Variants in FRMD4B observed in about 807,000 individuals in gnomAD.
The protein encoded by FRMD4B is FERM domain-containing protein 4B.
A neutral mutation model predicts 141.5 loss-of-function variants in FRMD4B; 74 were observed. That is an observed-to-expected ratio of 0.52 (90% CI 0.43 to 0.63). The LOEUF (loss-of-function observed/expected upper bound fraction) is 0.63, where lower values mean the gene tolerates loss of function less well. FRMD4B is among the 30% of genes least tolerant of loss of function. FRMD4B has a pLI of 0.00. For missense variants in FRMD4B, 1,366 were observed against 1,253.4 expected (o/e 1.09, Z -1.36); for synonymous variants, 506 against 467.9 (o/e 1.08, Z -1.05).
chr3:69,480,000 T>A (rs9848296), intron 1 of FRMD4B, among the ~76,000 whole-genome samples: 1 of 152,002 alleles, frequency 6.6e-6, no homozygotes, highest in African/African-American at 2.4e-5. Flanking sequence ...TGATTGCATC[T>A]GCTCCTGAGG....
At position 69,197,031 on chromosome 3, in the gene FRMD4B, C is replaced by T; in HGVS notation, c.961G>A (p.Val321Ile). ...VEVHDPRRISVSRRTFGQSGL... is the reference protein window; with the variant it reads ...VEVHDPRRISISRRTFGQSGL... ...CTTTGCCCAAAGGTTCTTCTTGAAA[C>T]TGAAATCCTGAAAGATTAAAGAAAG... Residue 321 changes from valine to isoleucine, a missense_variant, in exon 13 of 23, where the codon GTT (valine) becomes ATT (isoleucine). By Grantham distance (29) the Val-to-Ile change is conservative. Coordinates refer to ENST00000398540, the MANE Select transcript of FRMD4B (RefSeq NM_015123.3). The T allele has an allele frequency of 6.2e-7, 1 of 1,610,470 alleles. No individual in the cohort carries two copies. Among genetic ancestry groups the T allele is most frequent in the Non-Finnish European group, 8.5e-7 (1 of 1,177,270 alleles).
At chr3:69,501,752 C>T (rs149443380) in intron 1 of FRMD4B, among the ~76,000 whole-genome samples, 280 of 152,288 alleles carry the variant, frequency 1.8e-3, no homozygotes, top group African/African-American at 6.6e-3. Context: ...TCCCTGTTTG[C>T]AGATGACATG....
intron 2 of FRMD4B, among the ~76,000 whole-genome samples, chr3:69,405,171 C>A (rs1466797556): frequency 2.6e-5 from 4 of 152,324 alleles, no homozygotes; most frequent in African/African-American, 7.2e-5. Context: ...CTTGCTCTTG[C>A]CATTGCTTCT....
intron 1 of FRMD4B, among the ~76,000 whole-genome samples, chr3:69,434,962 C>A (rs1264852455): frequency 6.6e-6 from 1 of 152,102 alleles, no homozygotes; most frequent in Non-Finnish European, 1.5e-5. Context: ...TTGCAGATGG[C>A]CACCTCTTTA....
At chr3:69,199,572 T>TC (rs1160248685) in intron 11 of FRMD4B, among the ~76,000 whole-genome samples, 1 of 152,178 alleles carries the variant, frequency 6.6e-6, no homozygotes, top group Non-Finnish European at 1.5e-5. Flanking sequence ...TATGAAGAGT[T>TC]CCCCTAAATG....
chr3:69,350,342 G>A (rs1487793320), intron 1 of FRMD4B, among the ~76,000 whole-genome samples: 2 of 152,162 alleles, frequency 1.3e-5, no homozygotes, highest in African/African-American at 4.8e-5. Flanking sequence ...TGGAGAGGAT[G>A]TGGAGAAATA....
In FRMD4B at chr3:69,182,621, G is replaced by T. The variant is rs760347003; in HGVS notation, c.2016C>A (p.Asn672Lys). The T allele has an allele frequency of 6.2e-7, 1 of 1,612,448 alleles. No homozygotes were observed. Among genetic ancestry groups the T allele is most frequent in the Non-Finnish European group, 8.5e-7 (1 of 1,179,528 alleles). ...SMPTTPVLTR[N>K]AYSSSHLEPE... is the part of the protein sequence containing the mutation. ...ACTCCAAGTGGCTGCTGCTGTAGGC[G>T]TTTCGGGTAAGAACTGGCGTGGTGG... The change falls in exon 20 of 23, where the codon AAC (asparagine) becomes AAA (lysine). Residue 672 changes from asparagine to lysine, a missense_variant. Asn to Lys is a moderately conservative substitution (Grantham distance 94). Coordinates refer to ENST00000398540, the MANE Select transcript of FRMD4B (RefSeq NM_015123.3).
chr3:69,230,771 A>C (rs2093299075), intron 7 of FRMD4B, among the ~76,000 whole-genome samples: 1 of 152,104 alleles, frequency 6.6e-6, no homozygotes, highest in African/African-American at 2.4e-5. Flanking sequence ...AATTTACACT[A>C]ACATTGTTCA....
At chr3:69,332,277 C>T (rs1283464800) in intron 1 of FRMD4B, among the ~76,000 whole-genome samples, 1 of 152,172 alleles carries the variant, frequency 6.6e-6, no homozygotes, top group Non-Finnish European at 1.5e-5. Context: ...TCCATCATCA[C>T]CTCACCTGTC....
At chr3:69,378,601 A>AGCTTCCCTTGCCTTACT (rs1704034485) in intron 1 of FRMD4B, among the ~76,000 whole-genome samples, 1 of 152,160 alleles carries the variant, frequency 6.6e-6, no homozygotes, top group African/African-American at 2.4e-5. Context: ...ACAGCCTCTG[A>AGCTTCCCTTGCCTTACT]GCTTCCCTTG....
intron 1 of FRMD4B, among the ~76,000 whole-genome samples, chr3:69,465,986 T>C (rs925975080): frequency 7.9e-5 from 12 of 152,242 alleles, no homozygotes; most frequent in Non-Finnish European, 1.5e-4. Flanking sequence ...CACAAATAGT[T>C]GAACTAATTT....
chr3:69,452,751 G>T lies in FRMD4B; in HGVS notation c.-128-19990C>A, dbSNP rs1705521169. ...AAAGAAGCACATTTCATGTGGCTAG[G>T]TCAGGAAGTACTCTACAACAGAACT... On this transcript the variant is annotated intron_variant, in intron 1 of 5. Transcript: ENST00000459638. 2.0e-5 allele frequency among the ~76,000 whole-genome samples: 3 copies of T among 152,174 alleles called. 1 individual carries two copies. The highest frequency in any genetic ancestry group is 2.0e-4 in the Admixed American group (3 of 15,276).
At chr3:69,489,465 A>T (rs1295972950) in intron 1 of FRMD4B, among the ~76,000 whole-genome samples, 1 of 152,202 alleles carries the variant, frequency 6.6e-6, no homozygotes, top group Non-Finnish European at 1.5e-5. Context: ...TATATAAATG[A>T]GTAGTAGGTA....
intron 1 of FRMD4B, among the ~76,000 whole-genome samples, chr3:69,454,858 C>T (rs113300754): frequency 0.023 from 3,462 of 152,324 alleles, 126 homozygotes; most frequent in African/African-American, 0.078. Context: ...GTGGCCCCTG[C>T]GTGGGATCCA....
chr3:69,508,144 C>G (rs1706629439), intron 1 of FRMD4B, among the ~76,000 whole-genome samples: 1 of 152,152 alleles, frequency 6.6e-6, no homozygotes, highest in Non-Finnish European at 1.5e-5. Flanking sequence ...AAAAGTTGTT[C>G]TTTCTCCTGA....
At position 69,169,423 on chromosome 3, in the gene FRMD4B, T is replaced by C. The variant is rs1333683538; in HGVS notation, c.*2438A>G. Among the ~76,000 whole-genome samples the C allele has an allele frequency of 6.8e-6, 1 of 147,110 alleles. No individual in the cohort carries two copies. The highest frequency in any genetic ancestry group is 1.5e-5 in the Non-Finnish European group (1 of 67,158). On this transcript the variant is annotated 3_prime_UTR_variant, in exon 23 of 23. Transcript: ENST00000398540. ...CCTAGGCTGGAATGCAGTGGCACGA[T>C]CCTGGCTCACTGCAACCTCCGCCTC...
chr3:69,281,484 A>ACTGAATTGT (rs2093644104), intron 5 of FRMD4B, among the ~76,000 whole-genome samples: 3 of 152,100 alleles, frequency 2.0e-5, no homozygotes, highest in Non-Finnish European at 2.9e-5. Flanking sequence ...TTGTTGTGTT[A>ACTGAATTGT]GTCAACCACA....
chr3:69,518,503 G>C (rs1193469347), intron 1 of FRMD4B, among the ~76,000 whole-genome samples: 1 of 152,134 alleles, frequency 6.6e-6, no homozygotes, highest in Admixed American at 6.5e-5. Context: ...TAGAGAAAAG[G>C]CAAGACCATA....
intron 1 of FRMD4B, among the ~76,000 whole-genome samples, chr3:69,540,658 T>TACACACACAC (rs1235500081): frequency 5.2e-5 from 4 of 76,896 alleles, no homozygotes; most frequent in African/African-American, 2.8e-4. Context: ...TATATATATA[T>TACACACACAC]ATACACACAC....
Sources: gnomAD v4.1 joint callset for allele counts (sites outside exome capture counted in the v4.1 genomes callset) on GRCh38, gnomAD v4.1.1 for gene constraint, MANE v1.5 for transcripts, NCBI Gene and HGNC (gene_info 2026-07-23, HGNC 2026-07-21) for gene names.